SIK3: variants seen among roughly 807,000 people sequenced by gnomAD.
SIK3 encodes SIK family kinase 3.
Under a neutral mutation model 144.2 loss-of-function variants are expected in SIK3, and 28 were observed. That is an observed-to-expected ratio of 0.19 (90% confidence interval 0.14 to 0.27). The LOEUF (loss-of-function observed/expected upper bound fraction) is 0.27, where lower values mean the gene tolerates loss of function less well. Ranked by LOEUF, SIK3 falls within the 10% of genes least tolerant of loss-of-function variation. The pLI is 1.00. For synonymous variants in SIK3, 686 were observed against 676.3 expected (o/e 1.01, Z -0.22); for missense variants, 1,319 against 1,776.0 (o/e 0.74, Z 4.62).
intron 1 of SIK3, among the ~76,000 whole-genome samples, chr11:117,027,752 C>T (rs570960435): frequency 6.6e-6 from 1 of 152,006 alleles, no homozygotes; most frequent in Non-Finnish European, 1.5e-5. Context: ...CAGACGTGAG[C>T]CACTGTGCCC....
At chr11:116,932,560 G>A (rs992487758) in intron 3 of SIK3, among the ~76,000 whole-genome samples, 1 of 151,956 alleles carries the variant, frequency 6.6e-6, no homozygotes, top group Non-Finnish European at 1.5e-5. Flanking sequence ...ATGTGTAAAC[G>A]GATCTTGCCT....
chr11:117,086,300 T>G (rs562885160), intron 1 of SIK3, among the ~76,000 whole-genome samples: 1 of 152,234 alleles, frequency 6.6e-6, no homozygotes, highest in Non-Finnish European at 1.5e-5. Flanking sequence ...ACAATCTCCT[T>G]GACTATCTTT....
chr11:116,896,145 A>C (rs1009260697), intron 6 of SIK3, 108 bp downstream of exon 6: 169 of 1,476,094 alleles, frequency 1.1e-4, no homozygotes, highest in Non-Finnish European at 1.5e-4. Context: ...TGGAGTTAAA[A>C]AAGGTTGTAA....
intron 1 of SIK3, among the ~76,000 whole-genome samples, chr11:117,068,289 C>T (rs1324858367): frequency 2.6e-5 from 4 of 152,128 alleles, no homozygotes; most frequent in African/African-American, 4.8e-5. Context: ...TATGAAATGA[C>T]CCCATCCTAC....
At chr11:117,092,972 A>G (rs1439162633) in intron 1 of SIK3, among the ~76,000 whole-genome samples, 1 of 152,196 alleles carries the variant, frequency 6.6e-6, no homozygotes, top group Non-Finnish European at 1.5e-5. Flanking sequence ...TAGAAAATGG[A>G]ATACTGGTAT....
At chr11:116,900,099 T>C (rs1281735031) in intron 4 of SIK3, among the ~76,000 whole-genome samples, 1 of 152,192 alleles carries the variant, frequency 6.6e-6, no homozygotes, top group East Asian at 1.9e-4. Flanking sequence ...GTACCACTCT[T>C]AAGTTCTTGG....
At chr11:117,011,687 A>G (rs1482327370) in intron 1 of SIK3, among the ~76,000 whole-genome samples, 1 of 152,106 alleles carries the variant, frequency 6.6e-6, no homozygotes, top group African/African-American at 2.4e-5. Flanking sequence ...ACCACAAAAT[A>G]AGGTTTCTGG....
At chr11:116,923,407 C>A (rs1947110387) in intron 4 of SIK3, among the ~76,000 whole-genome samples, 1 of 152,184 alleles carries the variant, frequency 6.6e-6, no homozygotes, top group African/African-American at 2.4e-5. Context: ...CTGACCTTAT[C>A]CTGTCAAAAA....
Position 116,857,999 on chromosome 11 carries a change from A to G in SIK3, c.3466T>C (p.Phe1156Leu). 1 of 1,614,160 alleles carries G rather than the reference A, an allele frequency of 6.2e-7. No individual in the cohort carries two copies. Among genetic ancestry groups the G allele is most frequent in the Non-Finnish European group, 8.5e-7 (1 of 1,180,022 alleles). The change falls in exon 21 of 25, where the codon TTC becomes CTC. Residue 1156 changes from phenylalanine (F) to leucine (L), a missense_variant. This residue lies in a region of SIK3 where 646 missense variants were observed against 763.7 expected (regional missense o/e 0.85). Coordinates refer to ENST00000445177, the MANE Select transcript of SIK3 (RefSeq NM_001366686.3). ...GTACTTGAACTCTTACTGTCTTGGAAGCCATCCTTGGCCCCCTCACACGAG... is the reference window on the plus strand; with the variant it reads ...GTACTTGAACTCTTACTGTCTTGGAGGCCATCCTTGGCCCCCTCACACGAG... ...DCSCEGAKDG[F>L]QDSKSSSTLT...
At chr11:116,930,749 C>G (rs548747555) in intron 3 of SIK3, among the ~76,000 whole-genome samples, 1 of 152,218 alleles carries the variant, frequency 6.6e-6, no homozygotes, top group South Asian at 2.1e-4. Flanking sequence ...CAGCCATGCC[C>G]CTAGCTAGAG....
At chr11:116,944,228 T>G (rs1948458855) in intron 3 of SIK3, among the ~76,000 whole-genome samples, 1 of 152,148 alleles carries the variant, frequency 6.6e-6, no homozygotes, top group Admixed American at 6.5e-5. Context: ...TCCCTTGGCT[T>G]CTGGGAAGCA....
intron 1 of SIK3, among the ~76,000 whole-genome samples, chr11:117,076,691 G>A (rs1017146949): frequency 2.0e-5 from 3 of 151,832 alleles, no homozygotes; most frequent in Non-Finnish European, 2.9e-5. Context: ...TACCATACCC[G>A]GCTAATTTTT....
At chr11:116,857,544 C>T (rs75385236) in intron 21 of SIK3, 13,673 of 455,794 alleles carry the variant, frequency 0.03, 319 homozygotes, top group South Asian at 0.095. Flanking sequence ...TTTCTGGATT[C>T]CAAGAAACTG....
intron 4 of SIK3, among the ~76,000 whole-genome samples, chr11:116,899,447 TTA>T (rs1285830143): frequency 1.3e-5 from 2 of 152,216 alleles, no homozygotes; most frequent in African/African-American, 4.8e-5. Context: ...CCCAGAATTT[TTA>T]TGTTATATTT....
intron 3 of SIK3, among the ~76,000 whole-genome samples, chr11:116,931,948 C>T (rs1490935277): frequency 1.3e-5 from 2 of 152,200 alleles, no homozygotes; most frequent in Non-Finnish European, 2.9e-5. Context: ...AAGAATCCAA[C>T]TACCTCTTAC....
chr11:116,892,138 A>G (rs1299368026), intron 6 of SIK3, among the ~76,000 whole-genome samples: 3 of 152,244 alleles, frequency 2.0e-5, no homozygotes. Flanking sequence ...GTCTGGGACA[A>G]AAAGTTAACT....
intron 1 of SIK3, among the ~76,000 whole-genome samples, chr11:117,029,053 C>T (rs1952143894): frequency 1.3e-5 from 2 of 151,736 alleles, no homozygotes; most frequent in Non-Finnish European, 2.9e-5. Context: ...AAATTACAGG[C>T]ACCCGCCACT....
chr11:116,956,448 CT>C, intron 2 of SIK3, among the ~76,000 whole-genome samples: 1 of 152,004 alleles, frequency 6.6e-6, no homozygotes, highest in African/African-American at 2.4e-5. Flanking sequence ...GTCTACAATC[CT>C]ATTAGAATAG....
Position 116,847,647 on chromosome 11 carries a change from A to C in SIK3, c.3820-39T>G, listed in dbSNP as rs753605888. The C allele has an allele frequency of 2.5e-6, 4 of 1,612,484 alleles. No individual in the cohort carries two copies. The Admixed American group carries it at 6.7e-5, about 27-fold the overall frequency. On this transcript the variant is annotated intron_variant, in intron 22 of 24. Transcript: ENST00000445177. ...TTAAGAGAAGAAATAAGCACACAAG[A>C]CACCACTCTCAGGCAACCCCTAGAG...
Sources: allele counts gnomAD v4.1 joint callset (sites outside exome capture counted in the v4.1 genomes callset), GRCh38; gene constraint gnomAD v4.1.1; regional missense constraint gnomAD v4.1.1; transcripts MANE v1.5; gene names NCBI Gene and HGNC (gene_info 2026-07-23, HGNC 2026-07-21).